Variants in REV3L observed in about 807,000 individuals in gnomAD.
REV3L encodes the protein REV3 like, DNA directed polymerase zeta catalytic subunit.
In REV3L, 69 loss-of-function variants were observed where a neutral mutation model predicts 299.4. That is an observed-to-expected ratio of 0.23 (90% CI 0.19 to 0.28). The LOEUF (loss-of-function observed/expected upper bound fraction) is 0.28, where lower values mean the gene tolerates loss of function less well. REV3L is among the 10% of genes least tolerant of loss of function. The pLI is 1.00. For synonymous variants in REV3L, 1,238 were observed against 1,271.4 expected, an observed-to-expected ratio of 0.97 and a Z score of 0.56; for missense variants, 3,128 against 3,693.8, an observed-to-expected ratio of 0.85 and a Z score of 3.97.
At chr6:111,439,043 T>C (rs34089926) in intron 1 of REV3L, among the ~76,000 whole-genome samples, 8,532 of 152,204 alleles carry the variant, frequency 0.056, 277 homozygotes, top group Middle Eastern at 0.085. Flanking sequence ...TTATATTAGG[T>C]TGGTGCAAAA....
In REV3L at chr6:111,333,182, A is replaced by G; in HGVS notation, c.7866T>C (p.Ile2622=). The G allele has an allele frequency of 1.9e-6, 3 of 1,614,126 alleles. No homozygotes were observed. The highest frequency in any genetic ancestry group is 2.5e-6 in the Non-Finnish European group (3 of 1,180,006). Residue 2622 remains isoleucine (I), a synonymous_variant, in exon 23 of 32, where the codon ATT becomes ATC. Coordinates refer to ENST00000368802, the MANE Select transcript of REV3L (RefSeq NM_001372078.1). ...AAAAGCAGTAGTTATATGCAATCACAATAGAAGGATAAAGTGATTGGAAAT... is the reference window on the plus strand; with the variant it reads ...AAAAGCAGTAGTTATATGCAATCACGATAGAAGGATAAAGTGATTGGAAAT... The part of the protein sequence containing the change: ...VLDFQSLYPS[I]VIAYNYCFST...
intron 1 of REV3L, among the ~76,000 whole-genome samples, chr6:111,437,193 T>TA (rs890857703): frequency 6.6e-5 from 10 of 152,062 alleles, no homozygotes; most frequent in African/African-American, 2.2e-4. Flanking sequence ...TTCAAAAAGT[T>TA]AAAAAAATAG....
chr6:111,398,147 G>A (rs1429060644), intron 4 of REV3L, among the ~76,000 whole-genome samples: 1 of 151,746 alleles, frequency 6.6e-6, no homozygotes, highest in East Asian at 2.0e-4. Flanking sequence ...GGGTGCTCTG[G>A]TGTTGGGTGC....
At chr6:111,353,471 G>A (rs1777779977) in intron 18 of REV3L, among the ~76,000 whole-genome samples, 1 of 152,098 alleles carries the variant, frequency 6.6e-6, no homozygotes, top group Admixed American at 6.5e-5. Context: ...ATTCCCTAAA[G>A]GCCCTATGAA....
At chr6:111,386,319 A>C (rs1443935548) in intron 9 of REV3L, among the ~76,000 whole-genome samples, 1 of 152,238 alleles carries the variant, frequency 6.6e-6, no homozygotes, top group Non-Finnish European at 1.5e-5. Flanking sequence ...ACAAGGATAA[A>C]TTTCAAAGTT....
intron 1 of REV3L, among the ~76,000 whole-genome samples, chr6:111,476,356 C>T (rs1792941708): frequency 6.6e-6 from 1 of 152,084 alleles, no homozygotes; most frequent in Non-Finnish European, 1.5e-5. Flanking sequence ...AGCGTCTTTC[C>T]ATGTTGCCCA....
At chr6:111,456,689 C>T (rs1318117611) in intron 1 of REV3L, among the ~76,000 whole-genome samples, 1 of 152,128 alleles carries the variant, frequency 6.6e-6, no homozygotes, top group African/African-American at 2.4e-5. Context: ...ACTCATTCCA[C>T]AATATTAAAC....
intron 1 of REV3L, among the ~76,000 whole-genome samples, chr6:111,422,400 G>A (rs1288642474): frequency 6.6e-6 from 1 of 151,426 alleles, no homozygotes; most frequent in African/African-American, 2.4e-5. Flanking sequence ...GTTCTTTATA[G>A]AAAAAGTTTG....
chr6:111,408,100 G>A (rs929446744), intron 3 of REV3L, among the ~76,000 whole-genome samples: 3 of 152,166 alleles, frequency 2.0e-5, no homozygotes, highest in Admixed American at 1.3e-4. Flanking sequence ...AAAGAAAGAC[G>A]GGAATAGCCG....
At chr6:111,322,088 G>GA (rs1333376594) in intron 26 of REV3L, among the ~76,000 whole-genome samples, 1 of 152,084 alleles carries the variant, frequency 6.6e-6, no homozygotes, top group East Asian at 1.9e-4. Flanking sequence ...GAATCAAATG[G>GA]AAAACTGTAT....
intron 15 of REV3L, among the ~76,000 whole-genome samples, chr6:111,364,546 ATATAG>A (rs1779015484): frequency 6.6e-6 from 1 of 151,898 alleles, no homozygotes; most frequent in Admixed American, 6.6e-5. Flanking sequence ...CAACACACTG[ATATAG>A]TATTTTTTAA....
intron 21 of REV3L, among the ~76,000 whole-genome samples, chr6:111,340,273 A>G (rs1003592099): frequency 1.3e-5 from 2 of 152,204 alleles, no homozygotes; most frequent in Non-Finnish European, 2.9e-5. Flanking sequence ...AATCTGGAAT[A>G]GTATTTAATA....
rs370456180 is a variant in REV3L at position 111,370,038 on chromosome 6, G to A, written c.5760-2010C>T. Among the ~76,000 whole-genome samples, 618 of 152,070 alleles carry A rather than the reference G, an allele frequency of 4.1e-3. 3 individuals are homozygous for A. Among genetic ancestry groups the A allele is most frequent in the African/African-American group, 6.7e-3 (279 of 41,470 alleles). ...AGTAGAGATGGGGTTTCACCATGTT[G>A]GCCAGGATGGTCTCGATCTCCTGAC... is the stretch of plus-strand genomic sequence containing the variant. On this transcript the variant is annotated intron_variant, in intron 13 of 31. Coordinates refer to ENST00000368802, the MANE Select transcript of REV3L (RefSeq NM_001372078.1).
At position 111,315,440 on chromosome 6, in the gene REV3L, C is replaced by G. The variant is rs946492768; in HGVS notation, c.8352-59G>C. ...GAAGTCATTATAACAAAAATTTTAT[C>G]AAGAGTAACTTTCCTGGCTATGACT... On this transcript the variant is annotated intron_variant, in intron 26 of 31. Coordinates refer to ENST00000368802, the MANE Select transcript of REV3L (RefSeq NM_001372078.1). The G allele has an allele frequency of 3.0e-6, 4 of 1,336,874 alleles. No homozygotes were observed. The African/African-American group carries it at 4.4e-5, about 15-fold the overall frequency. 82.8% of individuals were successfully genotyped at this position (1,336,874 alleles called of 1,614,324 possible). A position where few individuals can be genotyped will look rare whatever the true frequency, so the allele number is the denominator to read the frequency against.
At chr6:111,338,312 CTTTTTTTT>C (rs144497761) in intron 21 of REV3L, among the ~76,000 whole-genome samples, 24 of 47,910 alleles carry the variant, frequency 5.0e-4, no homozygotes, top group African/African-American at 2.1e-3. Flanking sequence ...GTCTAAAGTC[CTTTTTTTT>C]TTTTTTTTTT....
rs745942067 is a variant in REV3L at position 111,379,985 on chromosome 6, T to A, written c.1451A>T (p.Lys484Met). 1.3e-6 allele frequency: 2 copies of A among 1,599,164 alleles called. No individual in the cohort carries two copies. The highest frequency in any genetic ancestry group is 1.7e-6 in the Non-Finnish European group (2 of 1,169,204). ...ACTGCAATAACTAAAAAATTACCTC[T>A]TTTTGGCACAATGTTCTTCAATATT... is the stretch of plus-strand genomic sequence containing the variant. ...DSNIEEHCAK[K>M]RSLCRNTHRS... The change falls in exon 11 of 32, where the codon AAG (lysine) becomes ATG (methionine). Residue 484 changes from lysine to methionine, a missense_variant. Lys to Met is a moderately conservative substitution (Grantham distance 95). This residue lies in a region of REV3L where 2,409 missense variants were observed against 2,611.8 expected (regional missense o/e 0.92). Transcript: ENST00000368802.
chr6:111,413,830 A>G (rs910717832), intron 2 of REV3L, among the ~76,000 whole-genome samples: 1 of 152,142 alleles, frequency 6.6e-6, no homozygotes, highest in African/African-American at 2.4e-5. Context: ...ACAAAAATAC[A>G]GGAAGATAAG....
chr6:111,301,144 G>T (rs1771472820), intron 31 of REV3L, among the ~76,000 whole-genome samples: 1 of 152,130 alleles, frequency 6.6e-6, no homozygotes, highest in Non-Finnish European at 1.5e-5. Flanking sequence ...ATATGCCCTG[G>T]CCTCCTGCAG....
In REV3L at chr6:111,357,930, G is replaced by T. The variant is rs17511090; in HGVS notation, c.7073-805C>A. ...CTATGACTGATTTCCAACTGCCAAA[G>T]TGACAGCAACTAGTTTGAAAAATTC... On this transcript the variant is annotated intron_variant, in intron 17 of 31. Coordinates refer to ENST00000368802, the MANE Select transcript of REV3L (RefSeq NM_001372078.1). 1.5e-3 allele frequency among the ~76,000 whole-genome samples: 215 copies of T among 147,512 alleles called. 1 individual carries two copies. The highest frequency in any genetic ancestry group is 5.3e-3 in the African/African-American group (209 of 39,666).
Sources: allele counts gnomAD v4.1 joint callset (sites outside exome capture counted in the v4.1 genomes callset), GRCh38; gene constraint gnomAD v4.1.1; regional missense constraint gnomAD v4.1.1; transcripts MANE v1.5; gene names NCBI Gene and HGNC (gene_info 2026-07-23, HGNC 2026-07-21).